The following DEPDC5 variants were observed in gnomAD, a reference collection of about 807,000 sequenced individuals.
The protein encoded by DEPDC5 is GATOR1 complex protein DEPDC5.
Under a neutral mutation model 217.3 loss-of-function variants are expected in DEPDC5, and 73 were observed. The observed-to-expected ratio is 0.34, with a 90% confidence interval of 0.28 to 0.41. The LOEUF is 0.41. DEPDC5 is among the 10% of genes least tolerant of loss of function. The pLI is 1.00. For synonymous variants in DEPDC5, 733 were observed against 756.7 expected, an observed-to-expected ratio of 0.97 and a Z score of 0.51; for missense variants, 1,675 against 2,070.1, an observed-to-expected ratio of 0.81 and a Z score of 3.70.
At chr22:31,776,531 A>G (rs1220944303) in intron 7 of DEPDC5, among the ~76,000 whole-genome samples, 2 of 150,294 alleles carry the variant, frequency 1.3e-5, no homozygotes, top group East Asian at 3.9e-4. Flanking sequence ...AGGCCAGTCA[A>G]GTCTGAAAGC....
intron 39 of DEPDC5, 138 bp from the exon 40 acceptor site, chr22:31,897,344 C>G (rs1351441530): frequency 7.8e-6 from 9 of 1,151,278 alleles, no homozygotes; most frequent in Non-Finnish European, 1.1e-5. Flanking sequence ...GACCAATTTG[C>G]AGCCAGCAAA....
chr22:31,789,560 T>C (rs1340436130), intron 10 of DEPDC5, among the ~76,000 whole-genome samples: 20 of 152,232 alleles, frequency 1.3e-4, no homozygotes, highest in Admixed American at 8.5e-4. Flanking sequence ...GTGATAGTTA[T>C]ACAACATTGT....
chr22:31,814,822 T>C, intron 20 of DEPDC5, 170 bp from the exon 21 acceptor site: 3 of 634,986 alleles, frequency 4.7e-6, no homozygotes, highest in Non-Finnish European at 8.3e-6. Flanking sequence ...ATATAACATC[T>C]CAAGCTGTTA....
intron 23 of DEPDC5, 77 bp downstream of exon 23, chr22:31,821,714 A>G (rs779238006): frequency 7.1e-6 from 11 of 1,557,960 alleles, no homozygotes; most frequent in Non-Finnish European, 9.6e-6. Context: ...AGAACAGACT[A>G]TTGACAAAAT....
intron 6 of DEPDC5, among the ~76,000 whole-genome samples, chr22:31,767,810 G>A (rs573539589): frequency 2.0e-5 from 3 of 151,498 alleles, no homozygotes; most frequent in Non-Finnish European, 4.4e-5. Flanking sequence ...GCAGTGGTGC[G>A]ATTTCTGCTC....
At chr22:31,773,685 ATAAAG>A (rs146649004) in intron 7 of DEPDC5, among the ~76,000 whole-genome samples, 1,752 of 152,334 alleles carry the variant, frequency 0.012, 30 homozygotes, top group African/African-American at 0.039. Context: ...TGTGAGAAAA[ATAAAG>A]TATAGTCATT....
At chr22:31,852,898 G>A (rs2092105628) in intron 31 of DEPDC5, 1 of 152,366 alleles carries the variant, frequency 6.6e-6, no homozygotes, top group Non-Finnish European at 1.5e-5. Context: ...CTATCAGGAG[G>A]CTCCCGCTAG....
At chr22:31,758,753 C>G in intron 3 of DEPDC5, 120 bp downstream of exon 3, 1 of 1,018,972 alleles carries the variant, frequency 9.8e-7, no homozygotes, top group Non-Finnish European at 1.5e-6. Context: ...TCCTGTAATT[C>G]CAGCACTTTG....
chr22:31,901,717 A>G (rs764749730), intron 40 of DEPDC5, 25 bp from the exon 41 acceptor site: 1 of 1,598,852 alleles, frequency 6.3e-7, no homozygotes, highest in African/African-American at 1.3e-5. Context: ...TCACAACCCA[A>G]TATTTATTCT....
chr22:31,762,934 C>T (rs1312589215), intron 4 of DEPDC5, among the ~76,000 whole-genome samples: 1 of 151,988 alleles, frequency 6.6e-6, no homozygotes, highest in African/African-American at 2.4e-5. Flanking sequence ...CCTGCCTCAG[C>T]CTCCCAGGTA....
rs2093762349 is a variant in DEPDC5, at chr22:31,906,496, G to A, written c.4811G>A (p.Ter1604=). 1.2e-6 allele frequency: 2 copies of A among 1,613,582 alleles called. No individual in the cohort carries two copies. Among genetic ancestry groups the A allele is most frequent in the South Asian group, 1.1e-5 (1 of 91,080 alleles). ...CLEKMHASAP[*] ...GAGAAGATGCATGCCAGTGCCCCGT[G>A]AGGCCAGGCTGCACCTGTGCTGGGG... The change falls in exon 43 of 43, where the codon TGA becomes TAA. Residue 1604 remains the stop codon, a stop_retained_variant. Coordinates refer to ENST00000651528, the MANE Select transcript of DEPDC5 (RefSeq NM_001242896.3). This position sits in a 1 kb window ranked among gnomAD's most constrained non-coding sequence, Gnocchi z 5.1.
At chr22:31,891,544 T>C (rs1002676563) in intron 38 of DEPDC5, 6 of 172,588 alleles carry the variant, frequency 3.5e-5, no homozygotes, top group Non-Finnish European at 7.4e-5. Flanking sequence ...GGAGCTCTCC[T>C]GCCTTACAAC....
chr22:31,780,353 G>A (rs1314913038), intron 8 of DEPDC5, among the ~76,000 whole-genome samples: 1 of 152,112 alleles, frequency 6.6e-6, no homozygotes, highest in Non-Finnish European at 1.5e-5. Context: ...TTATGAGATG[G>A]GGAAGACAGG....
chr22:31,774,792 A>T (rs373524514), intron 7 of DEPDC5, among the ~76,000 whole-genome samples: 2 of 152,112 alleles, frequency 1.3e-5, no homozygotes, highest in South Asian at 2.1e-4. Flanking sequence ...ACCCTGGGCA[A>T]CATAGCAAGA....
chr22:31,857,731 TCA>T (rs1272672304), intron 32 of DEPDC5, 178 bp downstream of exon 32: 2 of 523,094 alleles, frequency 3.8e-6, no homozygotes, highest in Non-Finnish European at 6.7e-6. Context: ...ACTTTCTTAT[TCA>T]CAGTTGTAAG....
At chr22:31,797,371 A>G (rs2086359483) in intron 12 of DEPDC5, among the ~76,000 whole-genome samples, 1 of 152,172 alleles carries the variant, frequency 6.6e-6, no homozygotes, top group Non-Finnish European at 1.5e-5. Flanking sequence ...AAGCAGGAGA[A>G]AGAGCGAGCT....
At chr22:31,842,196 A>T (rs1308384625) in intron 27 of DEPDC5, among the ~76,000 whole-genome samples, 1 of 152,212 alleles carries the variant, frequency 6.6e-6, no homozygotes. Flanking sequence ...ATGGGGCCTG[A>T]TGGCTTTCTG....
At chr22:31,842,881 C>T (rs1021628855) in intron 27 of DEPDC5, among the ~76,000 whole-genome samples, 2 of 152,150 alleles carry the variant, frequency 1.3e-5, no homozygotes, top group African/African-American at 4.8e-5. Flanking sequence ...CACCTTCAGG[C>T]TCTAATCTGC....
At chr22:31,792,875 C>T (rs2085838868) in intron 12 of DEPDC5, 58 bp downstream of exon 12, 1 of 1,385,348 alleles carries the variant, frequency 7.2e-7, no homozygotes. Flanking sequence ...TCTTTCCTAA[C>T]TTAAAAATAA....
Sources: gnomAD v4.1 joint callset for allele counts (sites outside exome capture counted in the v4.1 genomes callset) on GRCh38, gnomAD v4.1.1 for gene constraint, Gnocchi (gnomAD v3.1) non-coding constraint, MANE v1.5 for transcripts, NCBI Gene and HGNC (gene_info 2026-07-23, HGNC 2026-07-21) for gene names.